EGFR: variants seen among roughly 807,000 people sequenced by gnomAD.
The protein encoded by EGFR is avian erythroblastic leukemia viral (v-erb-b) oncogene homolog.
In EGFR, 58 loss-of-function variants were observed where a neutral mutation model predicts 143.0. That is an observed-to-expected ratio of 0.41 (90% CI 0.33 to 0.50). The LOEUF is 0.50. EGFR is among the 20% of genes least tolerant of loss of function. The pLI, the probability that EGFR is intolerant of heterozygous loss-of-function variation, is 0.39. For synonymous variants in EGFR, 613 were observed against 594.4 expected, an observed-to-expected ratio of 1.03 and a Z score of -0.45; for missense variants, 1,307 against 1,579.0, an observed-to-expected ratio of 0.83 and a Z score of 2.92.
At chr7:55,070,362 A>C (rs887171287) in intron 1 of EGFR, among the ~76,000 whole-genome samples, 4 of 152,178 alleles carry the variant, frequency 2.6e-5, no homozygotes, top group African/African-American at 9.7e-5. Flanking sequence ...AAAATCACTA[A>C]CTTTCATGCC....
chr7:55,201,039 C>T (rs1342776702), intron 24 of EGFR, 149 bp from the exon 25 acceptor site: 4 of 931,806 alleles, frequency 4.3e-6, no homozygotes, highest in Non-Finnish European at 6.8e-6. Context: ...GGGGAGGCAG[C>T]TATAATTTAG....
chr7:55,029,434 C>T (rs1787126361), intron 1 of EGFR, among the ~76,000 whole-genome samples: 1 of 152,144 alleles, frequency 6.6e-6, no homozygotes, highest in South Asian at 2.1e-4. Context: ...TTCTTCCCTT[C>T]CTTCTTTCTC....
At chr7:55,097,520 C>T (rs944950334) in intron 1 of EGFR, among the ~76,000 whole-genome samples, 8 of 152,240 alleles carry the variant, frequency 5.3e-5, no homozygotes, top group African/African-American at 1.9e-4. Flanking sequence ...AAGCCCCTTC[C>T]AAGGCCCTGG....
chr7:55,096,426 C>A (rs894761164), intron 1 of EGFR, among the ~76,000 whole-genome samples: 2 of 152,208 alleles, frequency 1.3e-5, no homozygotes, highest in Admixed American at 1.3e-4. Flanking sequence ...CAATGCAGAA[C>A]GGCAGGGCCA....
intron 7 of EGFR, among the ~76,000 whole-genome samples, chr7:55,155,058 G>T (rs1267772899): frequency 6.6e-6 from 1 of 152,226 alleles, no homozygotes; most frequent in Non-Finnish European, 1.5e-5. Context: ...AACACTTCGA[G>T]CCTGAGATAC....
chr7:55,156,050 C>A, intron 8 of EGFR, 104 bp downstream of exon 8: 1 of 825,018 alleles, frequency 1.2e-6, no homozygotes, highest in East Asian at 2.6e-5. Flanking sequence ...CATTAAAAAA[C>A]AACTATACAT....
chr7:55,132,165 G>A (rs1472854900), intron 1 of EGFR, among the ~76,000 whole-genome samples: 1 of 152,032 alleles, frequency 6.6e-6, no homozygotes, highest in East Asian at 1.9e-4. Flanking sequence ...AAAAACATGG[G>A]TAAAAATTGA....
rs61541412 is a variant in EGFR at position 55,196,178 on chromosome 7, A to ATTTTTTT, written c.2702-2530_2702-2524dup. ...CACAACCTCACCAGCATGTGTTGGG[A>ATTTTTTT]TTTTTTTTTTTTTTTACTTTTCAAT... On this transcript the variant is annotated intron_variant, in intron 22 of 27. Transcript: ENST00000275493. 8.9e-4 allele frequency among the ~76,000 whole-genome samples: 78 copies of ATTTTTTT among 88,112 alleles called. 3 individuals carry two copies. The highest frequency in any genetic ancestry group is 6.3e-3 in the South Asian group (13 of 2,070). The allele number at this position is 88,112 out of a possible 152,430, so 57.8% of individuals were successfully genotyped here. A position where few individuals can be genotyped will look rare whatever the true frequency, so the allele number is the denominator to read the frequency against.
chr7:55,111,704 T>C (rs1281553647), intron 1 of EGFR, among the ~76,000 whole-genome samples: 1 of 150,876 alleles, frequency 6.6e-6, no homozygotes, highest in East Asian at 1.9e-4. Context: ...ACCTGAGGAG[T>C]GTTTGGATGT....
At chr7:55,185,502 C>T (rs1787091938) in intron 20 of EGFR, among the ~76,000 whole-genome samples, 1 of 152,248 alleles carries the variant, frequency 6.6e-6, no homozygotes, top group African/African-American at 2.4e-5. Flanking sequence ...AGCCCTGCTC[C>T]TGTGCCACCC....
At chr7:55,097,943 C>G (rs923722186) in intron 1 of EGFR, among the ~76,000 whole-genome samples, 1 of 152,162 alleles carries the variant, frequency 6.6e-6, no homozygotes, top group South Asian at 2.1e-4. Flanking sequence ...CACTCATTCC[C>G]TTATTTTTCC....
At chr7:55,125,536 A>G (rs1480873152) in intron 1 of EGFR, among the ~76,000 whole-genome samples, 1 of 152,206 alleles carries the variant, frequency 6.6e-6, no homozygotes, top group African/African-American at 2.4e-5. Context: ...CCTAGGGATG[A>G]TATTTCTTTG....
intron 1 of EGFR, among the ~76,000 whole-genome samples, chr7:55,125,425 G>A (rs895700410): frequency 1.3e-5 from 2 of 149,914 alleles, no homozygotes; most frequent in Non-Finnish European, 3.0e-5. Context: ...GAGAAGAAGA[G>A]TCACCTGTCA....
intron 20 of EGFR, among the ~76,000 whole-genome samples, chr7:55,185,478 C>T (rs1465261547): frequency 3.3e-5 from 5 of 152,246 alleles, no homozygotes; most frequent in East Asian, 3.9e-4. Flanking sequence ...TCCCGTCATC[C>T]GTGCCGTTTG....
At chr7:55,130,565 T>TA (rs958494831) in intron 1 of EGFR, among the ~76,000 whole-genome samples, 14 of 152,062 alleles carry the variant, frequency 9.2e-5, no homozygotes, top group Admixed American at 2.0e-4. Flanking sequence ...TCACCCACTT[T>TA]AAAATGAAAC....
chr7:55,143,326 T>G lies in EGFR; in HGVS notation c.262T>G (p.Tyr88Asp). 1 of 1,614,250 alleles carries G rather than the reference T, an allele frequency of 6.2e-7. No individual in the cohort carries two copies. Among genetic ancestry groups the G allele is most frequent in the Non-Finnish European group, 8.5e-7 (1 of 1,180,048 alleles). The part of the protein sequence containing the change: ...FLKTIQEVAG[Y>D]VLIALNTVER... The stretch of plus-strand genomic sequence containing the variant: ...TTAGACCATCCAGGAGGTGGCTGGT[T>G]ATGTCCTCATTGCCCTCAACACAGT... The change falls in exon 3 of 28, where the codon TAT becomes GAT. Residue 88 changes from tyrosine (Y) to aspartate (D), a missense_variant. Physicochemically the swap from Tyr to Asp is radical, Grantham distance 160. Coordinates refer to ENST00000275493, the MANE Select transcript of EGFR (RefSeq NM_005228.5).
rs1583972532 is a variant in EGFR, at chr7:55,073,649, C to T, written c.88+54284C>T. Reference sequence around the variant, plus strand: ...TGGGCATTTATAGCTATTAATACTTCGTCCCATGTGTCCCATGAGGAAACC... The same window carrying T: ...TGGGCATTTATAGCTATTAATACTTTGTCCCATGTGTCCCATGAGGAAACC... On this transcript the variant is annotated intron_variant, in intron 1 of 27. Coordinates refer to ENST00000275493, the MANE Select transcript of EGFR (RefSeq NM_005228.5). Among the ~76,000 whole-genome samples, 6 of 152,314 alleles carry T rather than the reference C, an allele frequency of 3.9e-5. No individual in the cohort carries two copies. In the East Asian group the frequency reaches 9.6e-4, roughly 24 times the overall value.
At chr7:55,166,413 T>C in intron 15 of EGFR, 1 of 515,630 alleles carries the variant, frequency 1.9e-6, no homozygotes, top group South Asian at 1.6e-5. Context: ...GGGTCTTACC[T>C]TCTCTGTGCC....
intron 20 of EGFR, 174 bp downstream of exon 20, chr7:55,181,652 C>A: frequency 1.3e-6 from 1 of 766,454 alleles, no homozygotes; most frequent in Non-Finnish European, 2.2e-6. Flanking sequence ...GTGCACAAAT[C>A]AGTGCCTGTC....
Sources: allele counts gnomAD v4.1 joint callset (sites outside exome capture counted in the v4.1 genomes callset), GRCh38; gene constraint gnomAD v4.1.1; transcripts MANE v1.5; gene names NCBI Gene and HGNC (gene_info 2026-07-23, HGNC 2026-07-21).